Variants in DSCAML1 observed in about 807,000 individuals in gnomAD.
DSCAML1 encodes the protein cell adhesion molecule DSCAML1.
In DSCAML1, 38 loss-of-function variants were observed where a neutral mutation model predicts 200.5. That is an observed-to-expected ratio of 0.19 (90% CI 0.15 to 0.25). The LOEUF is 0.25. Among genes scored for constraint, DSCAML1 ranks in the 10% least tolerant of loss-of-function variants. DSCAML1 has a pLI of 1.00. For synonymous variants in DSCAML1, 1,215 were observed against 1,165.0 expected, an observed-to-expected ratio of 1.04 and a Z score of -0.87; for missense variants, 2,223 against 2,858.8, an observed-to-expected ratio of 0.78 and a Z score of 5.07.
At chr11:117,599,145 G>T (rs537867625) in intron 3 of DSCAML1, among the ~76,000 whole-genome samples, 48 of 52,974 alleles carry the variant, frequency 9.1e-4, no homozygotes, top group African/African-American at 5.3e-3. Context: ...CCACCTCACA[G>T]GTGAATTTCA....
chr11:117,455,738 A>G (rs765898952), intron 19 of DSCAML1, among the ~76,000 whole-genome samples: 40 of 152,240 alleles, frequency 2.6e-4, no homozygotes, highest in Admixed American at 5.9e-4. Context: ...AAAAGCTCCC[A>G]TACCAGGGCT....
rs1203003337 is a variant in DSCAML1 at position 117,516,857 on chromosome 11, G to A, written c.1511-118C>T. ...CAGGCACTCGGCCCCTGAGACTTTC[G>A]GGGGCGGACATTTGGTGGGGGCACA... is the stretch of plus-strand genomic sequence containing the variant. On this transcript the variant is annotated intron_variant, in intron 7 of 32. Transcript: ENST00000651296. This position sits in a 1 kb window ranked among gnomAD's most constrained non-coding sequence, Gnocchi z 5.7. 1.0e-5 allele frequency: 13 copies of A among 1,279,600 alleles called. No homozygotes were observed. The highest frequency in any genetic ancestry group is 4.9e-5 in the East Asian group (2 of 40,416). The allele number at this position is 1,279,600 out of a possible 1,614,324, so 79.3% of individuals were successfully genotyped here.
At chr11:117,746,570 C>A (rs564146562) in intron 3 of DSCAML1, among the ~76,000 whole-genome samples, 2 of 152,304 alleles carry the variant, frequency 1.3e-5, no homozygotes, top group African/African-American at 2.4e-5. Flanking sequence ...TCCGCGCTGC[C>A]ATTGGGGGCA....
intron 3 of DSCAML1, among the ~76,000 whole-genome samples, chr11:117,675,485 T>A (rs1340585398): frequency 5.4e-5 from 8 of 148,046 alleles, no homozygotes; most frequent in Non-Finnish European, 1.2e-4. Flanking sequence ...TTTTTTTTTT[T>A]TTTTTTTTTT....
intron 3 of DSCAML1, among the ~76,000 whole-genome samples, chr11:117,650,723 T>C (rs2052616225): frequency 7.3e-6 from 1 of 136,432 alleles, no homozygotes; most frequent in South Asian, 2.3e-4. Context: ...GTGGTGGGGA[T>C]TGGGGTTCCC....
chr11:117,626,178 GCACAGCC>G (rs1311702665), intron 3 of DSCAML1, among the ~76,000 whole-genome samples: 1 of 147,938 alleles, frequency 6.8e-6, no homozygotes, highest in Non-Finnish European at 1.5e-5. Context: ...GCGGTGTTTA[GCACAGCC>G]CACTCTTGCT....
chr11:117,439,231 C>T (rs1266300793), intron 23 of DSCAML1, 35 bp downstream of exon 23: 2 of 1,610,372 alleles, frequency 1.2e-6, no homozygotes, highest in Admixed American at 1.7e-5. Context: ...CCATCCCTGT[C>T]CCCACCTGGG....
chr11:117,436,750 C>G (rs540600654), intron 26 of DSCAML1, among the ~76,000 whole-genome samples: 1 of 152,296 alleles, frequency 6.6e-6, no homozygotes, highest in South Asian at 2.1e-4. Flanking sequence ...CCCCTCCTGG[C>G]TAATATTCCA....
chr11:117,705,688 AC>A (rs2053747735), intron 3 of DSCAML1, among the ~76,000 whole-genome samples: 1 of 152,104 alleles, frequency 6.6e-6, no homozygotes, highest in Admixed American at 6.5e-5. Context: ...ATAATCTCAA[AC>A]AGGTGAAGAT....
At chr11:117,658,395 C>T (rs1459512866) in intron 3 of DSCAML1, among the ~76,000 whole-genome samples, 3 of 152,128 alleles carry the variant, frequency 2.0e-5, no homozygotes, top group Non-Finnish European at 4.4e-5. Context: ...AGTTCAACTC[C>T]TTCATAATTT....
rs116982479 is a variant in DSCAML1, at chr11:117,672,492, G to T, written c.511+104299C>A. On this transcript the variant is annotated intron_variant, in intron 3 of 32. Coordinates refer to ENST00000651296, the MANE Select transcript of DSCAML1 (RefSeq NM_020693.4). ...GCCCTTCTTCTGGCAAAGTCGAAAA[G>T]TGCTCCAAGGATAAGGATTTGCCAT... 4.0e-3 allele frequency among the ~76,000 whole-genome samples: 610 copies of T among 152,262 alleles called. 5 individuals carry two copies. Among genetic ancestry groups the T allele is most frequent in the South Asian group, 0.028 (136 of 4,824 alleles).
At chr11:117,432,080 G>A (rs2047811590) in intron 30 of DSCAML1, among the ~76,000 whole-genome samples, 1 of 152,168 alleles carries the variant, frequency 6.6e-6, no homozygotes, top group Admixed American at 6.5e-5. Context: ...GCTAGAGATA[G>A]AAAGACCCTT....
chr11:117,706,108 A>G (rs1167514757), intron 3 of DSCAML1, among the ~76,000 whole-genome samples: 2 of 152,044 alleles, frequency 1.3e-5, no homozygotes, highest in Non-Finnish European at 2.9e-5. Flanking sequence ...AGGGCCCTCA[A>G]TTCACCACTG....
chr11:117,808,989 G>T (rs574164286), intron 1 of DSCAML1, among the ~76,000 whole-genome samples: 1 of 152,314 alleles, frequency 6.6e-6, no homozygotes, highest in East Asian at 1.9e-4. Flanking sequence ...CAGGTGGTCA[G>T]TGACCGAGCC....
At chr11:117,794,872 A>T (rs1311066591) in intron 1 of DSCAML1, among the ~76,000 whole-genome samples, 4 of 152,120 alleles carry the variant, frequency 2.6e-5, no homozygotes, top group African/African-American at 9.7e-5. Flanking sequence ...GGCGCCCAAC[A>T]GACAGACGCT....
At chr11:117,492,121 C>T (rs927071856) in intron 11 of DSCAML1, among the ~76,000 whole-genome samples, 5 of 151,932 alleles carry the variant, frequency 3.3e-5, no homozygotes, top group African/African-American at 1.2e-4. Context: ...ATTCCCCATC[C>T]CTACCCCGAG....
At chr11:117,719,973 T>C (rs1196059367) in intron 3 of DSCAML1, among the ~76,000 whole-genome samples, 1 of 152,086 alleles carries the variant, frequency 6.6e-6, no homozygotes, top group Non-Finnish European at 1.5e-5. Context: ...TGAACATATG[T>C]GGGGTTTCAA....
chr11:117,757,770 C>T (rs2054721891), intron 3 of DSCAML1, among the ~76,000 whole-genome samples: 1 of 151,976 alleles, frequency 6.6e-6, no homozygotes, highest in Non-Finnish European at 1.5e-5. Context: ...GCGGGCGGAT[C>T]ACCTGAGGTC....
intron 1 of DSCAML1, among the ~76,000 whole-genome samples, chr11:117,813,889 G>A (rs970949670): frequency 6.6e-6 from 1 of 152,256 alleles, no homozygotes; most frequent in Middle Eastern, 3.4e-3. Context: ...AATATATGAA[G>A]GCAGGAATGT....
Sources: allele counts gnomAD v4.1 joint callset (sites outside exome capture counted in the v4.1 genomes callset), GRCh38; gene constraint gnomAD v4.1.1; non-coding constraint Gnocchi (gnomAD v3.1); transcripts MANE v1.5; gene names NCBI Gene and HGNC (gene_info 2026-07-23, HGNC 2026-07-21).